Variants in MINDY2 observed in about 807,000 individuals in gnomAD.
MINDY2 encodes MINDY lysine 48 deubiquitinase 2.
Under a neutral mutation model 68.2 loss-of-function variants are expected in MINDY2, and 52 were observed. That is an observed-to-expected ratio of 0.76 (90% CI 0.61 to 0.96). MINDY2 has a LOEUF of 0.96. MINDY2 is among the 40% of genes least tolerant of loss of function. The pLI is 0.00. For missense variants in MINDY2, 881 were observed against 773.4 expected (o/e 1.14, Z -1.65); for synonymous variants, 372 against 303.0 (o/e 1.23, Z -2.36).
In MINDY2 at chr15:58,847,325, A is replaced by G; in HGVS notation, c.1397A>G (p.Gln466Arg). The G allele has an allele frequency of 6.3e-7, 1 of 1,588,822 alleles. No homozygotes were observed. Among genetic ancestry groups the G allele is most frequent in the Non-Finnish European group, 8.6e-7 (1 of 1,160,418 alleles). Residue 466 changes from glutamine (Q) to arginine (R), a missense_variant, in exon 7 of 9, where the codon CAG (glutamine) becomes CGG (arginine). Gln to Arg is a conservative substitution (Grantham distance 43). Coordinates refer to ENST00000559228, the MANE Select transcript of MINDY2 (RefSeq NM_001040450.3). ...KGQLYLLVTD[Q>R]GFLTEEKVVW... ...CAACTGTATTTGTTGGTAACGGACC[A>G]GGGGTTTCTTACTGAAGAGAAAGTT...
At chr15:58,853,819 T>TA (rs10563818) in intron 8 of MINDY2, among the ~76,000 whole-genome samples, 3,223 of 102,050 alleles carry the variant, frequency 0.032, 144 homozygotes, top group African/African-American at 0.098. Context: ...TCCATCTCAA[T>TA]AAAAAAAAAA....
intron 6 of MINDY2, among the ~76,000 whole-genome samples, chr15:58,846,692 G>T (rs971711260): frequency 5.3e-5 from 8 of 151,728 alleles, no homozygotes; most frequent in Non-Finnish European, 2.9e-5. Context: ...TTGTATGCAC[G>T]TACAGAGTTT....
At chr15:58,781,763 T>C (rs1022434965) in intron 1 of MINDY2, among the ~76,000 whole-genome samples, 1 of 151,904 alleles carries the variant, frequency 6.6e-6, no homozygotes, top group African/African-American at 2.4e-5. Flanking sequence ...ATTAGCCGTG[T>C]GTGGTGGCGG....
chr15:58,833,389 T>C (rs2031837111), intron 6 of MINDY2, among the ~76,000 whole-genome samples: 1 of 151,942 alleles, frequency 6.6e-6, no homozygotes, highest in Non-Finnish European at 1.5e-5. Flanking sequence ...TCTCATTAGG[T>C]GGAACAAGAG....
chr15:58,836,226 T>C (rs2031987466), intron 6 of MINDY2, among the ~76,000 whole-genome samples: 1 of 151,570 alleles, frequency 6.6e-6, no homozygotes, highest in African/African-American at 2.4e-5. Flanking sequence ...ATCTCAAAAT[T>C]AACTATAATT....
chr15:58,774,978 C>T (rs1321113155), intron 1 of MINDY2, among the ~76,000 whole-genome samples: 1 of 152,044 alleles, frequency 6.6e-6, no homozygotes, highest in African/African-American at 2.4e-5. Flanking sequence ...CCACAAAAAC[C>T]AGTCATAAGT....
intron 3 of MINDY2, among the ~76,000 whole-genome samples, chr15:58,809,954 A>AT: frequency 6.6e-6 from 1 of 151,982 alleles, no homozygotes; most frequent in East Asian, 1.9e-4. Flanking sequence ...TAATTTTTGT[A>AT]TTTTCAGAGA....
rs753675620 is a variant in MINDY2 at position 58,771,793 on chromosome 15, C to T, written c.398C>T (p.Pro133Leu). 5 of 1,609,766 alleles carry T rather than the reference C, an allele frequency of 3.1e-6. No homozygotes were observed. The Admixed American group carries it at 6.7e-5, about 22-fold the overall frequency. Reference sequence around the variant, plus strand: ...ACCGCCGGAGACGCGGGAGCCCGCCCGGATCTCGCCGGCACCTGCCAAGCA... The same window carrying T: ...ACCGCCGGAGACGCGGGAGCCCGCCTGGATCTCGCCGGCACCTGCCAAGCA... Reference protein sequence around the residue: ...LGTAGDAGARPDLAGTCQAEL... With the variant: ...LGTAGDAGARLDLAGTCQAEL... The change falls in exon 1 of 9, where the codon CCG (proline) becomes CTG (leucine). Residue 133 changes from proline (P) to leucine (L), a missense_variant. Pro to Leu is a moderately conservative substitution (Grantham distance 98). Coordinates refer to ENST00000559228, the MANE Select transcript of MINDY2 (RefSeq NM_001040450.3).
At chr15:58,814,227 A>G (rs971531273) in intron 4 of MINDY2, among the ~76,000 whole-genome samples, 22 of 152,240 alleles carry the variant, frequency 1.4e-4, no homozygotes, top group Non-Finnish European at 2.2e-4. Context: ...GGCGTGAGCC[A>G]TCGCACCCAG....
intron 5 of MINDY2, among the ~76,000 whole-genome samples, chr15:58,823,174 G>C (rs1005535038): frequency 1.8e-4 from 18 of 102,656 alleles, no homozygotes; most frequent in Admixed American, 9.8e-4. Context: ...TTTCACTCTT[G>C]TTGCCCAGGC....
chr15:58,801,742 C>T (rs894327344), intron 2 of MINDY2, among the ~76,000 whole-genome samples: 5 of 152,104 alleles, frequency 3.3e-5, no homozygotes, highest in African/African-American at 7.2e-5. Flanking sequence ...CAGGTTCAAG[C>T]GATTCTTCTG....
At position 58,771,956 on chromosome 15, in the gene MINDY2, T is replaced by G; in HGVS notation, c.561T>G (p.Ser187Arg). The change falls in exon 1 of 9, where the codon AGT becomes AGG. Residue 187 changes from serine (S) to arginine (R), a missense_variant. By Grantham distance (110) the Ser-to-Arg change is moderately radical (BLOSUM62 -1). Coordinates refer to ENST00000559228, the MANE Select transcript of MINDY2 (RefSeq NM_001040450.3). ...ESFSNLHSFP[S>R]SCEFNSEEGA... is the part of the protein sequence containing the mutation. ...TCTCTAACCTGCATTCTTTTCCCAG[T>G]AGCTGCGAGTTCAATAGTGAGGAGG... The G allele has an allele frequency of 6.4e-7, 1 of 1,560,556 alleles. No homozygotes were observed. Among genetic ancestry groups the G allele is most frequent in the Non-Finnish European group, 8.7e-7 (1 of 1,155,524 alleles).
At chr15:58,824,962 G>C (rs921208832) in intron 5 of MINDY2, among the ~76,000 whole-genome samples, 2 of 152,042 alleles carry the variant, frequency 1.3e-5, no homozygotes, top group Non-Finnish European at 2.9e-5. Context: ...AAGCCACCTC[G>C]CCCAGCCCAT....
chr15:58,835,311 T>C (rs2031939364), intron 6 of MINDY2, among the ~76,000 whole-genome samples: 1 of 152,198 alleles, frequency 6.6e-6, no homozygotes, highest in African/African-American at 2.4e-5. Context: ...TTGGGACTTA[T>C]AACTTAGGGA....
Position 58,771,804 on chromosome 15 carries a change from G to A in MINDY2, c.409G>A (p.Gly137Ser), listed in dbSNP as rs751778422. 3 of 1,609,686 alleles carry A rather than the reference G, an allele frequency of 1.9e-6. No homozygotes were observed. Among genetic ancestry groups the A allele is most frequent in the Admixed American group, 1.7e-5 (1 of 59,722 alleles). The change falls in exon 1 of 9, where the codon GGC becomes AGC. Residue 137 changes from glycine (G) to serine (S), a missense_variant. Physicochemically the swap from Gly to Ser is moderately conservative, Grantham distance 56 (BLOSUM62 0). Coordinates refer to ENST00000559228, the MANE Select transcript of MINDY2 (RefSeq NM_001040450.3). ...CGCGGGAGCCCGCCCGGATCTCGCC[G>A]GCACCTGCCAAGCAGAACTGACCGC... ...GDAGARPDLA[G>S]TCQAELTAAG...
rs752341396 is a variant in MINDY2, at chr15:58,772,102, G to T, written c.707G>T (p.Arg236Leu). The T allele has an allele frequency of 1.9e-6, 3 of 1,613,914 alleles. No homozygotes were observed. The South Asian group carries it at 3.3e-5, about 18-fold the overall frequency. Residue 236 changes from arginine to leucine, a missense_variant, in exon 1 of 9, where the codon CGC (arginine) becomes CTC (leucine). Transcript: ENST00000559228. ...CAGGTGCTGGCGGCCTCCAAGGAAC[G>T]CTTCCCGGGACAATCTGTGTATCAC... ...TAQVLAASKE[R>L]FPGQSVYHIK...
intron 1 of MINDY2, among the ~76,000 whole-genome samples, 157 bp from the exon 2 acceptor site, chr15:58,787,749 A>C (rs1901606220): frequency 6.6e-6 from 1 of 152,068 alleles, no homozygotes; most frequent in East Asian, 1.9e-4. Flanking sequence ...AAAAAAAAAA[A>C]AAAAAGCCTG....
chr15:58,818,084 T>C (rs2030820788), intron 4 of MINDY2, among the ~76,000 whole-genome samples: 1 of 152,252 alleles, frequency 6.6e-6, no homozygotes, highest in Admixed American at 6.5e-5. Context: ...CATACCACTA[T>C]ATACAACAAC....
At chr15:58,846,642 C>T (rs1268790522) in intron 6 of MINDY2, among the ~76,000 whole-genome samples, 2 of 149,760 alleles carry the variant, frequency 1.3e-5, no homozygotes, top group East Asian at 1.9e-4. Flanking sequence ...AATACATACA[C>T]GTACTATGTA....
Sources: allele counts gnomAD v4.1 joint callset (sites outside exome capture counted in the v4.1 genomes callset), GRCh38; gene constraint gnomAD v4.1.1; transcripts MANE v1.5; gene names NCBI Gene and HGNC (gene_info 2026-07-23, HGNC 2026-07-21).